CENPT: variants seen among roughly 807,000 people sequenced by gnomAD.
CENPT encodes the protein centromere protein T.
A neutral mutation model predicts 59.7 loss-of-function variants in CENPT; 42 were observed. The ratio of observed to expected loss-of-function variants is 0.70; its 90% CI spans 0.55 to 0.91. The LOEUF (loss-of-function observed/expected upper bound fraction) is 0.91. CENPT is among the 40% of genes least tolerant of loss of function. The probability of loss-of-function intolerance (pLI) is 0.00; values close to 1 mark genes in which losing one functional copy is unlikely to be tolerated. For synonymous variants in CENPT, 295 were observed against 289.6 expected (o/e 1.02, Z -0.19); for missense variants, 716 against 713.4 (o/e 1.00, Z -0.04).
chr16:67,831,919 G>C, intron 7 of CENPT, 29 bp from the exon 8 acceptor site: 1 of 1,603,496 alleles, frequency 6.2e-7, no homozygotes. Context: ...TCTCAGACAG[G>C]CCAGGAAGTC....
In CENPT at chr16:67,832,059, T is replaced by C; in HGVS notation, c.339A>G (p.Pro113=). 1 of 1,611,942 alleles carries C rather than the reference T, an allele frequency of 6.2e-7. No individual in the cohort carries two copies. The highest frequency in any genetic ancestry group is 1.1e-5 in the South Asian group (1 of 90,814). Residue 113 remains proline, a synonymous_variant, in exon 7 of 16, where the codon CCA becomes CCG. Transcript: ENST00000562787. ...LMPESVVKPV[P]APQAVQPSRQ... ...TGGAGGGTTGGACCGCCTGCGGTGC[T>C]GGCACTGGCTTCACTACCGACTCAG...
intron 1 of CENPT, among the ~76,000 whole-genome samples, chr16:67,839,999 T>C (rs2057751870): frequency 6.6e-6 from 1 of 152,116 alleles, no homozygotes; most frequent in Admixed American, 6.6e-5. Context: ...TTTGTTTTTA[T>C]GTCCAATAAT....
intron 1 of CENPT, among the ~76,000 whole-genome samples, chr16:67,844,703 G>A (rs1405444697): frequency 1.3e-5 from 2 of 152,196 alleles, no homozygotes; most frequent in Non-Finnish European, 2.9e-5. Context: ...CCTTCGGTGT[G>A]ACAGAGCTGT....
intron 1 of CENPT, among the ~76,000 whole-genome samples, chr16:67,844,908 C>G (rs906410006): frequency 6.6e-6 from 1 of 151,946 alleles, no homozygotes; most frequent in African/African-American, 2.4e-5. Flanking sequence ...TCTGCCTCAC[C>G]CTCCTGAGTA....
rs745357649 is a variant in CENPT, at chr16:67,828,703, G to T, written c.1421C>A (p.Pro474His). The T allele has an allele frequency of 6.2e-7, 1 of 1,614,020 alleles. No individual in the cohort carries two copies. Among genetic ancestry groups the T allele is most frequent in the Non-Finnish European group, 8.5e-7 (1 of 1,180,044 alleles). ...CATCTCAAGAGCCTTCCTCTCCATGGGCATCTTGGCATAGAAGCTAAAGAG... is the reference window on the plus strand; with the variant it reads ...CATCTCAAGAGCCTTCCTCTCCATGTGCATCTTGGCATAGAAGCTAAAGAG... ...VKLFSFYAKM[P>H]MERKALEMVE... The change falls in exon 14 of 16, where the codon CCC becomes CAC. Residue 474 changes from proline to histidine, a missense_variant. By Grantham distance (77) the Pro-to-His change is moderately conservative. Coordinates refer to ENST00000562787, the MANE Select transcript of CENPT (RefSeq NM_025082.4).
In CENPT at chr16:67,842,494, C is replaced by T. The variant is rs1567373945; in HGVS notation, c.-492+4907G>A. The T allele has an allele frequency of 3.6e-6, 5 of 1,374,994 alleles. No individual in the cohort carries two copies. The highest frequency in any genetic ancestry group is 4.7e-6 in the Non-Finnish European group (5 of 1,060,950). The allele number at this position is 1,374,994 out of a possible 1,614,324, so 85.2% of individuals were successfully genotyped here. ...CGTCGAGGGGCGGGCGGCGGCGTAG[C>T]CACTGGGCCGTCGAAGAGCGCAGGA... is the stretch of plus-strand genomic sequence containing the variant. On this transcript the variant is annotated intron_variant, in intron 1 of 15. Coordinates refer to ENST00000562787, the MANE Select transcript of CENPT (RefSeq NM_025082.4). This position sits in a 1 kb window ranked among gnomAD's most constrained non-coding sequence, Gnocchi z 4.9.
Position 67,832,242 on chromosome 16 carries a change from T to A in CENPT, c.275A>T (p.Asn92Ile). ...EEQTPRTLLK[N>I]ILLTAPESSI... is the part of the protein sequence containing the mutation. ...CGCTCACTTACCAGTTAGTAGGATG[T>A]TCTTCAGCAGCGTCCGAGGTGTCTG... The change falls in exon 6 of 16, where the codon AAC becomes ATC. Residue 92 changes from asparagine (N) to isoleucine (I), a missense_variant. By Grantham distance (149) the Asn-to-Ile change is moderately radical. Transcript: ENST00000562787. 1 of 1,614,172 alleles carries A rather than the reference T, an allele frequency of 6.2e-7. No homozygotes were observed. The highest frequency in any genetic ancestry group is 8.5e-7 in the Non-Finnish European group (1 of 1,179,996).
At chr16:67,830,876 G>A (rs1201921312) in intron 10 of CENPT, 3 of 507,542 alleles carry the variant, frequency 5.9e-6, no homozygotes, top group Non-Finnish European at 1.1e-5. Context: ...TCTTACTCTG[G>A]TGAACTTGTT....
rs75749121 is a variant in CENPT at position 67,834,249 on chromosome 16, C to G, written c.-241-149G>C. On this transcript the variant is annotated intron_variant, in intron 3 of 15. Transcript: ENST00000562787. Reference sequence around the variant, plus strand: ...AAGGCTCTCTCATTCCCATCTCCCTCTCCGAAGATGAGGAGAGACACTTGG... The same window carrying G: ...AAGGCTCTCTCATTCCCATCTCCCTGTCCGAAGATGAGGAGAGACACTTGG... 953 of 176,204 alleles carry G rather than the reference C, an allele frequency of 5.4e-3. 7 individuals are homozygous for G. Among genetic ancestry groups the G allele is most frequent in the African/African-American group, 0.021 (877 of 42,576 alleles). The allele number at this position is 176,204 out of a possible 1,614,324, so 10.9% of individuals were successfully genotyped here.
rs573619904 is a variant in CENPT at position 67,828,516 on chromosome 16, C to A, written c.1520G>T (p.Arg507Leu). Residue 507 changes from arginine to leucine, a missense_variant, in exon 15 of 16, where the codon CGC becomes CTC. Transcript: ENST00000562787. ...CAGGTCCTCTGGCTTCACAGTCTTGCGGCCAGCATGAGCAGCAAATACCTC... is the reference window on the plus strand; with the variant it reads ...CAGGTCCTCTGGCTTCACAGTCTTGAGGCCAGCATGAGCAGCAAATACCTC... ...DLEVFAAHAG[R>L]KTVKPEDLEL... 6.2e-6 allele frequency: 10 copies of A among 1,614,196 alleles called. No homozygotes were observed. The African/African-American group carries it at 1.1e-4, about 17-fold the overall frequency.
Position 67,831,837 on chromosome 16 carries a change from A to G in CENPT, c.440T>C (p.Leu147Pro). The G allele has an allele frequency of 6.2e-7, 1 of 1,609,882 alleles. No individual in the cohort carries two copies. The highest frequency in any genetic ancestry group is 8.5e-7 in the Non-Finnish European group (1 of 1,178,530). Residue 147 changes from leucine (L) to proline (P), a missense_variant, in exon 8 of 16, where the codon CTG becomes CCG. Leu to Pro is a moderately conservative substitution (Grantham distance 98). Coordinates refer to ENST00000562787, the MANE Select transcript of CENPT (RefSeq NM_025082.4). ...LEPPTTLAPG[L>P]LAPGRRKQRL... ...CTGTTTCCTCCTGCCAGGGGCCAGC[A>G]GACCTGGAGCCAGGGTTGTGGGGGG...
rs1248357221 is a variant in CENPT, at chr16:67,843,896, A to G, written c.-492+3505T>C. The G allele has an allele frequency of 5.5e-6, 1 of 182,120 alleles. No individual in the cohort carries two copies. Among genetic ancestry groups the G allele is most frequent in the Non-Finnish European group, 1.3e-5 (1 of 77,434 alleles). The allele number at this position is 182,120 out of a possible 1,614,324, so 11.3% of individuals were successfully genotyped here. ...AGACAACTCTAATGTGTGTAGTGAT[A>G]AGAGATTCAAGTAACATCAGTTCTC... On this transcript the variant is annotated intron_variant, in intron 1 of 15. Transcript: ENST00000562787. This position sits in a 1 kb window ranked among gnomAD's most constrained non-coding sequence, Gnocchi z 5.7.
rs1449275375 is a variant in CENPT at position 67,843,149 on chromosome 16, G to A, written c.-492+4252C>T. On this transcript the variant is annotated intron_variant, in intron 1 of 15. Coordinates refer to ENST00000562787, the MANE Select transcript of CENPT (RefSeq NM_025082.4). The surrounding 1 kb of genome is among the most constrained non-coding windows in gnomAD (Gnocchi z 5.7). ...CACAGTGCAAGTGGAGTTTGCAGCC[G>A]CAGAGGGCGCAGCCGCTGCGGCCGC... 8.1e-6 allele frequency: 13 copies of A among 1,609,136 alleles called. No individual in the cohort carries two copies. Among genetic ancestry groups the A allele is most frequent in the Non-Finnish European group, 1.0e-5 (12 of 1,179,372 alleles).
At position 67,843,888 on chromosome 16, in the gene CENPT, GTA is replaced by G. The variant is rs2057781365; in HGVS notation, c.-492+3511_-492+3512del. ...CAGCAGTCAGACAACTCTAATGTGT[GTA>G]GTGATAAGAGATTCAAGTAACATCA... On this transcript the variant is annotated intron_variant, in intron 1 of 15. Coordinates refer to ENST00000562787, the MANE Select transcript of CENPT (RefSeq NM_025082.4). This position sits in a 1 kb window ranked among gnomAD's most constrained non-coding sequence, Gnocchi z 5.7. 5.3e-6 allele frequency: 1 copy of G among 188,936 alleles called. No homozygotes were observed. The highest frequency in any genetic ancestry group is 2.4e-5 in the African/African-American group (1 of 42,010). The allele number at this position is 188,936 out of a possible 1,614,324, so 11.7% of individuals were successfully genotyped here. A position where few individuals can be genotyped will look rare whatever the true frequency, so the allele number is the denominator to read the frequency against.
chr16:67,843,231 G>A lies in CENPT; in HGVS notation c.-492+4170C>T. ...CTGGAGGCTGCCGAGTGCCCTATGG[G>A]CCCCCAGTTGGTGGTGGTAGGGGAA... On this transcript the variant is annotated intron_variant, in intron 1 of 15. Coordinates refer to ENST00000562787, the MANE Select transcript of CENPT (RefSeq NM_025082.4). The surrounding 1 kb of genome is among the most constrained non-coding windows in gnomAD (Gnocchi z 5.7). 1 of 1,611,934 alleles carries A rather than the reference G, an allele frequency of 6.2e-7. No homozygotes were observed. The highest frequency in any genetic ancestry group is 8.5e-7 in the Non-Finnish European group (1 of 1,179,326).
chr16:67,831,593 A>G lies in CENPT; in HGVS notation c.543T>C (p.Asp181=). ...AGCAGCACCTGGTGAGGGAAGAGGC[A>G]TCAGCATTCCCTTGAGGCTCTGTCA... The part of the protein sequence containing the change: ...SLSQEPQGNA[D]ASSLTRSLNL... Residue 181 remains aspartate, a synonymous_variant, in exon 9 of 16, where the codon GAT becomes GAC. Transcript: ENST00000562787. The G allele has an allele frequency of 6.2e-7, 1 of 1,614,174 alleles. No homozygotes were observed. The highest frequency in any genetic ancestry group is 8.5e-7 in the Non-Finnish European group (1 of 1,180,024).
At chr16:67,838,346 G>A (rs1334539951) in intron 1 of CENPT, among the ~76,000 whole-genome samples, 1 of 152,186 alleles carries the variant, frequency 6.6e-6, no homozygotes, top group South Asian at 2.1e-4. Context: ...ACATGGCCAG[G>A]CACGGTGGTT....
rs770118371 is a variant in CENPT, at chr16:67,830,078, T to C, written c.873A>G (p.Lys291=). 6.2e-7 allele frequency: 1 copy of C among 1,614,078 alleles called. No homozygotes were observed. Among genetic ancestry groups the C allele is most frequent in the Non-Finnish European group, 8.5e-7 (1 of 1,179,974 alleles). Residue 291 remains lysine, a synonymous_variant, in exon 12 of 16, where the codon AAA becomes AAG. Coordinates refer to ENST00000562787, the MANE Select transcript of CENPT (RefSeq NM_025082.4). ...GPGLQKNSPG[K]PAQFLAGEAE... Reference sequence around the variant, plus strand: ...CCTCTCCTGCCAGAAACTGGGCTGGTTTCCCAGGGCCTGAGTGAAGGGGAG... The same window carrying C: ...CCTCTCCTGCCAGAAACTGGGCTGGCTTCCCAGGGCCTGAGTGAAGGGGAG...
intron 10 of CENPT, chr16:67,830,799 C>T (rs1489900296): frequency 5.5e-6 from 3 of 543,858 alleles, no homozygotes; most frequent in South Asian, 2.4e-5. Flanking sequence ...TATAGCTGCC[C>T]GCCCACCAGC....
Sources: allele counts gnomAD v4.1 joint callset (sites outside exome capture counted in the v4.1 genomes callset), GRCh38; gene constraint gnomAD v4.1.1; non-coding constraint Gnocchi (gnomAD v3.1); transcripts MANE v1.5; gene names NCBI Gene and HGNC (gene_info 2026-07-23, HGNC 2026-07-21).